The following DYRK1B variants were observed in gnomAD, a reference collection of about 807,000 sequenced individuals.
DYRK1B encodes dual specificity tyrosine-phosphorylation-regulated kinase 1B.
DYRK1B carries 20 observed loss-of-function variants against 57.1 expected under a neutral mutation model. That is an observed-to-expected ratio of 0.35 (90% CI 0.25 to 0.51). DYRK1B has a LOEUF of 0.51. Among genes scored for constraint, DYRK1B ranks in the 20% least tolerant of loss-of-function variants. The pLI, the probability that DYRK1B is intolerant of heterozygous loss-of-function variation, is 0.96. For missense variants in DYRK1B, 732 were observed against 886.3 expected (o/e 0.83, Z 2.21); for synonymous variants, 409 against 384.7 (o/e 1.06, Z -0.74).
At chr19:39,827,104 G>A (rs1968576267) in intron 8 of DYRK1B, 117 bp from the exon 9 acceptor site, 2 of 1,132,538 alleles carry the variant, frequency 1.8e-6, no homozygotes, top group Admixed American at 2.9e-5. Flanking sequence ...GAAAAGCTAA[G>A]AAGAGTTGTG....
intron 5 of DYRK1B, among the ~76,000 whole-genome samples, chr19:39,829,371 C>T (rs780361451): frequency 6.6e-6 from 1 of 151,860 alleles, no homozygotes; most frequent in South Asian, 2.1e-4. Flanking sequence ...GGACTACAGG[C>T]GCGCACCACC....
chr19:39,831,259 C>T (rs1366775604), intron 2 of DYRK1B, among the ~76,000 whole-genome samples: 1 of 152,170 alleles, frequency 6.6e-6, no homozygotes, highest in Non-Finnish European at 1.5e-5. Context: ...GATCTGGCCC[C>T]TGGACCTCCC....
At position 39,828,191 on chromosome 19, in the gene DYRK1B, C is replaced by A. The variant is rs370341593; in HGVS notation, c.807+106G>T. 10 of 1,271,228 alleles carry A rather than the reference C, an allele frequency of 7.9e-6. No individual in the cohort carries two copies. The highest frequency in any genetic ancestry group is 1.1e-5 in the Non-Finnish European group (10 of 922,928). The allele number at this position is 1,271,228 out of a possible 1,614,324, so 78.7% of individuals were successfully genotyped here. A position where few individuals can be genotyped will look rare whatever the true frequency, so the allele number is the denominator to read the frequency against. ...CCCAAGCATTATCCCTCAGTTCCCA[C>A]GGCTCCTAATAATCCCATCCCAGCC... On this transcript the variant is annotated intron_variant, in intron 6 of 10. Coordinates refer to ENST00000323039, the MANE Select transcript of DYRK1B (RefSeq NM_004714.3). This position sits in a 1 kb window ranked among gnomAD's most constrained non-coding sequence, Gnocchi z 4.3.
At position 39,830,414 on chromosome 19, in the gene DYRK1B, G is replaced by T; in HGVS notation, c.333C>A (p.Tyr111Ter). Residue 111 changes from tyrosine to a stop codon, truncating the protein, a stop_gained, in exon 4 of 11, where the codon TAC becomes TAA. Coordinates refer to ENST00000323039, the MANE Select transcript of DYRK1B (RefSeq NM_004714.3). LOFTEE classifies it high-confidence loss of function. ...CTTTGCCAATGAGCGAGTCAATTTCGTAGCGCTCCAGCCAGCGCTCGCCAC... is the reference window on the plus strand; with the variant it reads ...CTTTGCCAATGAGCGAGTCAATTTCTTAGCGCTCCAGCCAGCGCTCGCCAC... ...VRSGERWLER[Y>*]EIDSLIGKGS... 1 of 1,614,150 alleles carries T rather than the reference G, an allele frequency of 6.2e-7. No homozygotes were observed.
intron 8 of DYRK1B, 96 bp from the exon 9 acceptor site, chr19:39,827,083 G>C: frequency 3.4e-6 from 4 of 1,190,266 alleles, no homozygotes; most frequent in Non-Finnish European, 4.5e-6. Context: ...GCACAAGAGA[G>C]AAAGTGGAAA....
Position 39,825,661 on chromosome 19 carries a change from C to A in DYRK1B, c.*54G>T. On this transcript the variant is annotated 3_prime_UTR_variant, in exon 11 of 11. Transcript: ENST00000323039. ...GAGAGATGAGGATGGGAGCCCAGGG[C>A]CCCCAGATGGGGGAGGGTATGGCTT... 3.3e-6 allele frequency: 5 copies of A among 1,511,790 alleles called. No homozygotes were observed. Among genetic ancestry groups the A allele is most frequent in the South Asian group, 2.4e-5 (2 of 83,238 alleles). 93.6% of individuals were successfully genotyped at this position (1,511,790 alleles called of 1,614,324 possible).
chr19:39,829,473 CA>C (rs1968705082), intron 5 of DYRK1B, among the ~76,000 whole-genome samples: 2 of 152,162 alleles, frequency 1.3e-5, no homozygotes, highest in African/African-American at 4.8e-5. Context: ...ATGATCCGCC[CA>C]CCTCGGCCTC....
In DYRK1B at chr19:39,830,724, G is replaced by A. The variant is rs949236193; in HGVS notation, c.123C>T (p.Thr41=). 1 of 1,614,058 alleles carries A rather than the reference G, an allele frequency of 6.2e-7. No homozygotes were observed. The highest frequency in any genetic ancestry group is 8.5e-7 in the Non-Finnish European group (1 of 1,180,042). The change falls in exon 3 of 11, where the codon ACC becomes ACT. Residue 41 remains threonine, a synonymous_variant. Coordinates refer to ENST00000323039, the MANE Select transcript of DYRK1B (RefSeq NM_004714.3). The part of the protein sequence containing the change: ...RRLPLAFRDA[T]SAPLRKLSVD... Reference sequence around the variant, plus strand: ...CAGAGAGCTTACGCAGCGGGGCTGAGGTTGCATCCCGGAAGGCCAGGGGCA... The same window carrying A: ...CAGAGAGCTTACGCAGCGGGGCTGAAGTTGCATCCCGGAAGGCCAGGGGCA...
At chr19:39,827,136 G>A in intron 8 of DYRK1B, 149 bp from the exon 9 acceptor site, 1 of 1,118,216 alleles carries the variant, frequency 8.9e-7, no homozygotes. Flanking sequence ...AGAGATGGGA[G>A]ATGGGGTGGG....
chr19:39,831,783 G>A, intron 2 of DYRK1B, 22 bp downstream of exon 2: 2 of 1,549,124 alleles, frequency 1.3e-6, no homozygotes, highest in East Asian at 4.9e-5. Flanking sequence ...CCACGCAGGT[G>A]AGGAGCCAGC....
At position 39,828,312 on chromosome 19, in the gene DYRK1B, G is replaced by C. The variant is rs766716069; in HGVS notation, c.792C>G (p.Cys264Trp). Residue 264 changes from cysteine to tryptophan, a missense_variant, in exon 6 of 11, where the codon TGC becomes TGG. Transcript: ENST00000323039. This position sits in a 1 kb window ranked among gnomAD's most constrained non-coding sequence, Gnocchi z 4.3. ...CGCCCCCTACCCTCTGGCCAAGCTG[G>C]CAGGAGCTGCCGAAGTCCACAATCT... ...AIKIVDFGSS[C>W]QLGQRIYQYI... 6.2e-7 allele frequency: 1 copy of C among 1,614,106 alleles called. No individual in the cohort carries two copies.
Position 39,828,717 on chromosome 19 carries a change from A to G in DYRK1B, c.521-134T>C, listed in dbSNP as rs1968661547. ...CCACGGGTACCATCTGCTAGTCAAA[A>G]TCTTTTTATCTAACAACTAGATTCA... On this transcript the variant is annotated intron_variant, in intron 5 of 10. Transcript: ENST00000323039. This position sits in a 1 kb window ranked among gnomAD's most constrained non-coding sequence, Gnocchi z 4.3. 2 of 869,540 alleles carry G rather than the reference A, an allele frequency of 2.3e-6. No individual in the cohort carries two copies. Among genetic ancestry groups the G allele is most frequent in the Admixed American group, 2.9e-5 (1 of 34,436 alleles). 53.9% of individuals were successfully genotyped at this position (869,540 alleles called of 1,614,324 possible). A position where few individuals can be genotyped will look rare whatever the true frequency, so the allele number is the denominator to read the frequency against.
chr19:39,829,713 A>C, intron 5 of DYRK1B, 167 bp downstream of exon 5: 1 of 777,618 alleles, frequency 1.3e-6, no homozygotes. Flanking sequence ...TAGGACAAAA[A>C]TCATAAAAGC....
chr19:39,826,162 C>G lies in DYRK1B; in HGVS notation c.1518+18G>C, dbSNP rs1289844645. 1 of 1,596,802 alleles carries G rather than the reference C, an allele frequency of 6.3e-7. No individual in the cohort carries two copies. Among genetic ancestry groups the G allele is most frequent in the East Asian group, 2.2e-5 (1 of 44,574 alleles). On this transcript the variant is annotated intron_variant, in intron 10 of 10. Transcript: ENST00000323039. The surrounding 1 kb of genome is among the most constrained non-coding windows in gnomAD (Gnocchi z 6.3). ...CAGGCACCACCACCCACCTCCAAAG[C>G]CCCCAAAGCCCCATTACCTGGGGGC... is the stretch of plus-strand genomic sequence containing the variant.
In DYRK1B at chr19:39,826,518, G is replaced by A. The variant is rs946854766; in HGVS notation, c.1411+154C>T. Among the ~76,000 whole-genome samples the A allele has an allele frequency of 1.5e-4, 23 of 152,166 alleles. No homozygotes were observed. Among genetic ancestry groups the A allele is most frequent in the African/African-American group, 5.3e-4 (22 of 41,436 alleles). ...AGCCCAATTTCAGTGATTGTGTCAG[G>A]GCCAGTTGGAGCTCTCCCATCCCAC... is the stretch of plus-strand genomic sequence containing the variant. On this transcript the variant is annotated intron_variant, in intron 9 of 10. Transcript: ENST00000323039. This position sits in a 1 kb window ranked among gnomAD's most constrained non-coding sequence, Gnocchi z 6.3.
At chr19:39,829,494 TG>T (rs1232691837) in intron 5 of DYRK1B, among the ~76,000 whole-genome samples, 1 of 152,226 alleles carries the variant, frequency 6.6e-6, no homozygotes, top group Non-Finnish European at 1.5e-5. Context: ...CCAAAAGTGC[TG>T]GGATTACAGG....
In DYRK1B at chr19:39,826,525, T is replaced by C. The variant is rs1280811373; in HGVS notation, c.1411+147A>G. The stretch of plus-strand genomic sequence containing the variant: ...TTTCAGTGATTGTGTCAGGGCCAGT[T>C]GGAGCTCTCCCATCCCACACGTCAT... On this transcript the variant is annotated intron_variant, in intron 9 of 10. Transcript: ENST00000323039. The surrounding 1 kb of genome is among the most constrained non-coding windows in gnomAD (Gnocchi z 6.3). 9.8e-7 allele frequency: 1 copy of C among 1,019,890 alleles called. No individual in the cohort carries two copies. The highest frequency in any genetic ancestry group is 1.4e-6 in the Non-Finnish European group (1 of 734,862). The allele number at this position is 1,019,890 out of a possible 1,614,324, so 63.2% of individuals were successfully genotyped here.
Position 39,825,576 on chromosome 19 carries a change from G to C in DYRK1B, c.*139C>G. ...CCCTCTCCTTGACCCCCCTGCCCCA[G>C]GCCCCAATCAGTGCAGGCCTCACCC... On this transcript the variant is annotated 3_prime_UTR_variant, in exon 11 of 11. Coordinates refer to ENST00000323039, the MANE Select transcript of DYRK1B (RefSeq NM_004714.3). The C allele has an allele frequency of 1.1e-6, 1 of 874,276 alleles. No homozygotes were observed. The highest frequency in any genetic ancestry group is 1.7e-6 in the Non-Finnish European group (1 of 582,296). 54.2% of individuals were successfully genotyped at this position (874,276 alleles called of 1,614,324 possible). A position where few individuals can be genotyped will look rare whatever the true frequency, so the allele number is the denominator to read the frequency against.
intron 1 of DYRK1B, 132 bp downstream of exon 1, chr19:39,833,891 C>A (rs1350008677): frequency 1.3e-5 from 2 of 152,424 alleles, no homozygotes; most frequent in Non-Finnish European, 2.9e-5. Flanking sequence ...GCAGGGCCCG[C>A]ACCTGCCTGC....
Sources: gnomAD v4.1 joint callset for allele counts (sites outside exome capture counted in the v4.1 genomes callset) on GRCh38, gnomAD v4.1.1 for gene constraint, Gnocchi (gnomAD v3.1) non-coding constraint, MANE v1.5 for transcripts, NCBI Gene and HGNC (gene_info 2026-07-23, HGNC 2026-07-21) for gene names.